Variants in TTLL12 observed in about 807,000 individuals in gnomAD.
TTLL12 encodes the protein tubulin--tyrosine ligase-like protein 12.
Under a neutral mutation model 79.6 loss-of-function variants are expected in TTLL12, and 77 were observed. That is an observed-to-expected ratio of 0.97 (90% CI 0.81 to 1.17). The LOEUF is 1.17. Among genes scored for constraint, TTLL12 ranks in the 50% most tolerant of loss-of-function variants. TTLL12 has a pLI of 0.00. For synonymous variants in TTLL12, 437 were observed against 376.1 expected, an observed-to-expected ratio of 1.16 and a Z score of -1.87; for missense variants, 969 against 895.9, an observed-to-expected ratio of 1.08 and a Z score of -1.04.
chr22:43,185,289 A>C (rs889361882), intron 1 of TTLL12, among the ~76,000 whole-genome samples: 26,604 of 93,180 alleles, frequency 0.29, 3,996 homozygotes, highest in Non-Finnish European at 0.34. Flanking sequence ...ATATATATAT[A>C]TATATATATA....
intron 9 of TTLL12, 101 bp downstream of exon 9, chr22:43,173,613 TG>T: frequency 8.8e-7 from 1 of 1,130,882 alleles, no homozygotes; most frequent in Non-Finnish European, 1.3e-6. Context: ...CTGCCCAGCC[TG>T]GACCTGTCCA....
chr22:43,181,329 C>T (rs1333555793), intron 2 of TTLL12, among the ~76,000 whole-genome samples: 4 of 152,260 alleles, frequency 2.6e-5, no homozygotes. Context: ...CCTCGGGCCA[C>T]TGCAGGGCAG....
At chr22:43,170,918 A>AAAAC in intron 11 of TTLL12, among the ~76,000 whole-genome samples, 1 of 152,142 alleles carries the variant, frequency 6.6e-6, no homozygotes, top group South Asian at 2.1e-4. Flanking sequence ...TGTCTCTCAA[A>AAAAC]AAAACAAAAC....
chr22:43,178,677 A>G (rs1316694392), intron 5 of TTLL12, among the ~76,000 whole-genome samples: 1 of 152,066 alleles, frequency 6.6e-6, no homozygotes, highest in African/African-American at 2.4e-5. Context: ...AAACCCTCCG[A>G]GGCACTTAGT....
In TTLL12 at chr22:43,172,539, T is replaced by C. The variant is rs373537068; in HGVS notation, c.1357A>G (p.Ile453Val). The change falls in exon 10 of 14, where the codon ATC becomes GTC. Residue 453 changes from isoleucine (I) to valine (V), a missense_variant. Coordinates refer to ENST00000216129, the MANE Select transcript of TTLL12 (RefSeq NM_015140.4). Reference protein sequence around the residue: ...ESTPKVVSKYIESPVLFLRED... With the variant: ...ESTPKVVSKYVESPVLFLRED... Reference sequence around the variant, plus strand: ...CGAAGGAACAACACGGGACTTTCGATGTACTTGGACACAACCTGGAGGACA... The same window carrying C: ...CGAAGGAACAACACGGGACTTTCGACGTACTTGGACACAACCTGGAGGACA... 4 of 1,614,068 alleles carry C rather than the reference T, an allele frequency of 2.5e-6. No homozygotes were observed. The highest frequency in any genetic ancestry group is 3.4e-6 in the Non-Finnish European group (4 of 1,180,018).
chr22:43,182,007 GGAAGCAGA>G (rs879455600), intron 2 of TTLL12, among the ~76,000 whole-genome samples: 2,039 of 106,342 alleles, frequency 0.019, 14 homozygotes, highest in Middle Eastern at 0.048. Context: ...ATGAAGGCCC[GGAAGCAGA>G]AAGGCCCGGA....
At position 43,172,446 on chromosome 22, in the gene TTLL12, G is replaced by A. The variant is rs1469377978; in HGVS notation, c.1450C>T (p.Arg484Trp). The A allele has an allele frequency of 2.4e-5, 38 of 1,614,036 alleles. No homozygotes were observed. Among genetic ancestry groups the A allele is most frequent in the Non-Finnish European group, 1.9e-5 (22 of 1,180,044 alleles). Reference protein sequence around the residue: ...IVLLRSVRPLRLFVYDVFWLR... With the variant: ...IVLLRSVRPLWLFVYDVFWLR... Reference sequence around the variant, plus strand: ...CAGAACACATCATACACGAACAACCGTAGGGGCCTCACTGACCGCAGCAGC... The same window carrying A: ...CAGAACACATCATACACGAACAACCATAGGGGCCTCACTGACCGCAGCAGC... The change falls in exon 10 of 14, where the codon CGG becomes TGG. Residue 484 changes from arginine (R) to tryptophan (W), a missense_variant. Transcript: ENST00000216129.
In TTLL12 at chr22:43,174,324, C is replaced by G. The variant is rs1353803549; in HGVS notation, c.1114G>C (p.Ala372Pro). The G allele has an allele frequency of 1.9e-6, 3 of 1,609,346 alleles. No homozygotes were observed. In the African/African-American group the frequency reaches 4.0e-5, roughly 22 times the overall value. The change falls in exon 8 of 14, where the codon GCC (alanine) becomes CCC (proline). Residue 372 changes from alanine (A) to proline (P), a missense_variant. Coordinates refer to ENST00000216129, the MANE Select transcript of TTLL12 (RefSeq NM_015140.4). ...ENLLTVKDCLASIARRAGGPE... is the reference protein window; with the variant it reads ...ENLLTVKDCLPSIARRAGGPE... ...CCACCTGCCCGGCGCGCGATGGAGG[C>G]CAGGCAGTCCTTGACAGTCAGCAGG...
intron 1 of TTLL12, chr22:43,185,927 T>A: frequency 1.0e-6 from 1 of 982,406 alleles, no homozygotes; most frequent in Non-Finnish European, 1.2e-6. Flanking sequence ...GAGGAAACTC[T>A]CTGTTACACT....
Position 43,187,061 on chromosome 22 carries a change from G to C in TTLL12, c.9C>G (p.Ala3=). ...CAGGCCGGCGCTCGGGACCCCGCTC[G>C]GCCTCCATGGCGCCAGCACCCGCGC... ME[A]ERGPERRPAE... The change falls in exon 1 of 14, where the codon GCC becomes GCG. Residue 3 remains alanine, a synonymous_variant. Transcript: ENST00000216129. The C allele has an allele frequency of 8.5e-7, 1 of 1,177,034 alleles. No homozygotes were observed. Among genetic ancestry groups the C allele is most frequent in the Non-Finnish European group, 1.0e-6 (1 of 954,200 alleles). The allele number at this position is 1,177,034 out of a possible 1,614,324, so 72.9% of individuals were successfully genotyped here.
At chr22:43,173,327 T>G (rs1931813404) in intron 9 of TTLL12, among the ~76,000 whole-genome samples, 1 of 152,182 alleles carries the variant, frequency 6.6e-6, no homozygotes, top group Admixed American at 6.5e-5. Context: ...GTTCTTTTTT[T>G]AAAGACTGGG....
chr22:43,169,539 A>C lies in TTLL12; in HGVS notation c.1605T>G (p.Phe535Leu), dbSNP rs745421406. The C allele has an allele frequency of 6.2e-7, 1 of 1,609,776 alleles. No homozygotes were observed. Among genetic ancestry groups the C allele is most frequent in the East Asian group, 2.2e-5 (1 of 44,758 alleles). ...AGGGAAATTCTGGGTATTGCTTCTC[A>C]AACTCGGGGATGAACTCTTCACAGT... ...QVHCEEFIPE[F>L]EKQYPEFPWT... Residue 535 changes from phenylalanine to leucine, a missense_variant, in exon 12 of 14, where the codon TTT becomes TTG. Physicochemically the swap from Phe to Leu is conservative, Grantham distance 22. Coordinates refer to ENST00000216129, the MANE Select transcript of TTLL12 (RefSeq NM_015140.4).
Position 43,167,534 on chromosome 22 carries a change from A to G in TTLL12, c.*474T>C. On this transcript the variant is annotated 3_prime_UTR_variant, in exon 14 of 14. Coordinates refer to ENST00000216129, the MANE Select transcript of TTLL12 (RefSeq NM_015140.4). The stretch of plus-strand genomic sequence containing the variant: ...CCGTCCCGGGGTCGTCCTGATGCAT[A>G]AGAGCAGAGACCCCGGAAGAGAAAC... The G allele has an allele frequency of 5.1e-6, 1 of 197,066 alleles. No individual in the cohort carries two copies. The highest frequency in any genetic ancestry group is 1.1e-5 in the Non-Finnish European group (1 of 94,442). The allele number at this position is 197,066 out of a possible 1,614,324, so 12.2% of individuals were successfully genotyped here.
rs1047120672 is a variant in TTLL12 at position 43,167,511 on chromosome 22, G to A, written c.*497C>T. The A allele has an allele frequency of 7.1e-5, 15 of 210,732 alleles. No individual in the cohort carries two copies. The highest frequency in any genetic ancestry group is 2.3e-4 in the African/African-American group (10 of 42,926). 13.1% of individuals were successfully genotyped at this position (210,732 alleles called of 1,614,324 possible). A position where few individuals can be genotyped will look rare whatever the true frequency, so the allele number is the denominator to read the frequency against. ...GGGTGCAGTGTGGGGCCCCACAGCCGTCCCGGGGTCGTCCTGATGCATAAG... is the reference window on the plus strand; with the variant it reads ...GGGTGCAGTGTGGGGCCCCACAGCCATCCCGGGGTCGTCCTGATGCATAAG... On this transcript the variant is annotated 3_prime_UTR_variant, in exon 14 of 14. Transcript: ENST00000216129.
intron 6 of TTLL12, 37 bp downstream of exon 6, chr22:43,176,283 C>T (rs1483266372): frequency 1.3e-5 from 20 of 1,490,052 alleles, no homozygotes; most frequent in Non-Finnish European, 1.8e-5. Flanking sequence ...GGACTGCGGA[C>T]AAGTCCCAGC....
chr22:43,187,012 T>C lies in TTLL12; in HGVS notation c.58A>G (p.Thr20Ala). Reference sequence around the variant, plus strand: ...AAGGCCTGCGCGCCCTCCTCCGGCGTCTGGCCCGGGCTGCTACGCTCCGCA... The same window carrying C: ...AAGGCCTGCGCGCCCTCCTCCGGCGCCTGGCCCGGGCTGCTACGCTCCGCA... ...RPAERSSPGQ[T>A]PEEGAQALAE... is the part of the protein sequence containing the mutation. The change falls in exon 1 of 14, where the codon ACG becomes GCG. Residue 20 changes from threonine to alanine, a missense_variant. Thr to Ala is a moderately conservative substitution (Grantham distance 58). Transcript: ENST00000216129. 2 of 1,271,000 alleles carry C rather than the reference T, an allele frequency of 1.6e-6. No individual in the cohort carries two copies. The highest frequency in any genetic ancestry group is 2.0e-6 in the Non-Finnish European group (2 of 1,005,028). 78.7% of individuals were successfully genotyped at this position (1,271,000 alleles called of 1,614,324 possible).
Position 43,179,633 on chromosome 22 carries a change from C to T in TTLL12, c.826G>A (p.Ala276Thr), listed in dbSNP as rs771622961. 21 of 1,582,610 alleles carry T rather than the reference C, an allele frequency of 1.3e-5. No homozygotes were observed. The highest frequency in any genetic ancestry group is 8.1e-5 in the African/African-American group (6 of 73,768). Residue 276 changes from alanine to threonine, a missense_variant, in exon 5 of 14, where the codon GCC becomes ACC. Coordinates refer to ENST00000216129, the MANE Select transcript of TTLL12 (RefSeq NM_015140.4). Reference sequence around the variant, plus strand: ...GAGGGCTGCACCTGGTAGTGCTCGGCGGGCGGCTCGGGTGTGCAAGAGCTG... The same window carrying T: ...GAGGGCTGCACCTGGTAGTGCTCGGTGGGCGGCTCGGGTGTGCAAGAGCTG... The part of the protein sequence containing the change: ...DLSSCTPEPP[A>T]EHYQAILEEN...
chr22:43,185,516 C>T (rs1397238072), intron 1 of TTLL12, among the ~76,000 whole-genome samples: 2 of 152,104 alleles, frequency 1.3e-5, no homozygotes, highest in South Asian at 2.1e-4. Context: ...CTGTCCTTAA[C>T]GGCTGGGGAA....
At chr22:43,170,014 G>A (rs965499206) in intron 11 of TTLL12, 10 of 380,540 alleles carry the variant, frequency 2.6e-5, no homozygotes, top group Non-Finnish European at 4.7e-5. Context: ...CAGCTCAAGA[G>A]TGCTTGAGGG....
Sources: gnomAD v4.1 joint callset for allele counts (sites outside exome capture counted in the v4.1 genomes callset) on GRCh38, gnomAD v4.1.1 for gene constraint, MANE v1.5 for transcripts, NCBI Gene and HGNC (gene_info 2026-07-23, HGNC 2026-07-21) for gene names.